The following ARHGEF3 variants were observed in gnomAD, a reference collection of about 807,000 sequenced individuals.
ARHGEF3 encodes Rho guanine nucleotide exchange factor 3.
Under a neutral mutation model 63.2 loss-of-function variants are expected in ARHGEF3, and 28 were observed. The observed-to-expected ratio is 0.44, with a 90% CI of 0.33 to 0.61. ARHGEF3 has a LOEUF of 0.61. ARHGEF3 is among the 20% of genes least tolerant of loss of function. The pLI is 0.03. For synonymous variants in ARHGEF3, 266 were observed against 254.2 expected, an observed-to-expected ratio of 1.05 and a Z score of -0.44; for missense variants, 533 against 659.3, an observed-to-expected ratio of 0.81 and a Z score of 2.10.
chr3:56,782,422 A>G (rs1184421468), intron 1 of ARHGEF3, among the ~76,000 whole-genome samples: 9 of 152,134 alleles, frequency 5.9e-5, no homozygotes, highest in Non-Finnish European at 8.8e-5. Flanking sequence ...GACTTTGACA[A>G]ACCACCAGGA....
At chr3:56,801,570 G>T in intron 1 of ARHGEF3, 133 bp downstream of exon 1, 1 of 1,214,588 alleles carries the variant, frequency 8.2e-7, no homozygotes, top group Non-Finnish European at 1.1e-6. Flanking sequence ...TGTAGAGAGA[G>T]AAAGTGGCAC....
intron 3 of ARHGEF3, among the ~76,000 whole-genome samples, chr3:56,901,445 GTA>G (rs745670696): frequency 1.0e-4 from 15 of 149,518 alleles, no homozygotes; most frequent in Non-Finnish European, 1.8e-4. Flanking sequence ...TATACATACT[GTA>G]TATATATATA....
chr3:56,849,995 G>GT (rs2039621516), intron 4 of ARHGEF3, among the ~76,000 whole-genome samples: 1 of 152,106 alleles, frequency 6.6e-6, no homozygotes. Context: ...AAACTAAGTT[G>GT]TTTTATGCAT....
At chr3:57,051,899 G>T (rs1409567482) in intron 1 of ARHGEF3, among the ~76,000 whole-genome samples, 1 of 151,990 alleles carries the variant, frequency 6.6e-6, no homozygotes, top group African/African-American at 2.4e-5. Flanking sequence ...GGGAGACAAG[G>T]TTGCAGTAAG....
At chr3:56,830,362 T>A (rs1203589768) in intron 4 of ARHGEF3, among the ~76,000 whole-genome samples, 1 of 152,138 alleles carries the variant, frequency 6.6e-6, no homozygotes, top group Non-Finnish European at 1.5e-5. Flanking sequence ...CCACATTTCA[T>A]GCAATCTTCC....
chr3:56,987,919 C>T (rs1032569140), intron 2 of ARHGEF3, among the ~76,000 whole-genome samples: 1 of 152,160 alleles, frequency 6.6e-6, no homozygotes, highest in African/African-American at 2.4e-5. Flanking sequence ...GTCTTGTGTG[C>T]ACACCACTGG....
intron 2 of ARHGEF3, among the ~76,000 whole-genome samples, chr3:56,767,384 C>A (rs1036384241): frequency 2.0e-5 from 3 of 151,652 alleles, no homozygotes; most frequent in Non-Finnish European, 2.9e-5. Context: ...AGATTGAGGC[C>A]ATCCTGGCTA....
chr3:56,991,772 G>A (rs1355458595), intron 2 of ARHGEF3, among the ~76,000 whole-genome samples: 2 of 152,002 alleles, frequency 1.3e-5, no homozygotes, highest in African/African-American at 4.8e-5. Context: ...ATGCCACCAC[G>A]AGCAGCTAAC....
At chr3:56,974,664 C>T (rs527822964) in intron 2 of ARHGEF3, among the ~76,000 whole-genome samples, 6 of 152,244 alleles carry the variant, frequency 3.9e-5, no homozygotes, top group African/African-American at 1.4e-4. Context: ...CTCCCTCTCC[C>T]CTCCCCCTGC....
intron 3 of ARHGEF3, among the ~76,000 whole-genome samples, chr3:56,910,663 A>G (rs992956163): frequency 6.6e-5 from 10 of 152,328 alleles, no homozygotes; most frequent in African/African-American, 2.4e-4. Flanking sequence ...ACAGAAACGA[A>G]AAAGAGATAA....
intron 2 of ARHGEF3, among the ~76,000 whole-genome samples, chr3:56,970,500 A>G (rs992054052): frequency 6.6e-6 from 1 of 152,122 alleles, no homozygotes; most frequent in African/African-American, 2.4e-5. Context: ...TCTGAGGCAT[A>G]TATTTACTTG....
chr3:56,997,137 C>T (rs956376858), intron 2 of ARHGEF3, among the ~76,000 whole-genome samples: 3 of 152,018 alleles, frequency 2.0e-5, no homozygotes, highest in African/African-American at 7.2e-5. Flanking sequence ...TGCCACCAAA[C>T]AGCACTGAGG....
At chr3:56,735,692 T>C (rs1304283315) in intron 8 of ARHGEF3, among the ~76,000 whole-genome samples, 1 of 152,182 alleles carries the variant, frequency 6.6e-6, no homozygotes, top group Non-Finnish European at 1.5e-5. Context: ...AGGTGCTTTC[T>C]GAAAATAAGC....
intron 2 of ARHGEF3, among the ~76,000 whole-genome samples, chr3:57,030,489 T>G (rs1253621063): frequency 1.3e-5 from 2 of 152,240 alleles, no homozygotes; most frequent in East Asian, 3.8e-4. Context: ...GTTGACTGAC[T>G]GACCAAATGA....
chr3:56,934,948 G>A (rs1046601055), intron 3 of ARHGEF3, among the ~76,000 whole-genome samples: 1 of 152,254 alleles, frequency 6.6e-6, no homozygotes, highest in African/African-American at 2.4e-5. Context: ...TGGGGAGGTG[G>A]AGAGTCTTTA....
chr3:56,836,344 C>T (rs2039106273), intron 4 of ARHGEF3, among the ~76,000 whole-genome samples: 1 of 152,118 alleles, frequency 6.6e-6, no homozygotes, highest in Admixed American at 6.5e-5. Flanking sequence ...TATTATTATT[C>T]TTTGGGAAAT....
chr3:56,751,465 G>T, intron 4 of ARHGEF3, 69 bp from the exon 5 acceptor site: 1 of 1,358,996 alleles, frequency 7.4e-7, no homozygotes, highest in African/African-American at 1.4e-5. Context: ...TCATGTAAGT[G>T]GCTCCTGAGA....
chr3:56,923,609 A>G (rs575356824), intron 3 of ARHGEF3, among the ~76,000 whole-genome samples: 1 of 152,270 alleles, frequency 6.6e-6, no homozygotes, highest in African/African-American at 2.4e-5. Flanking sequence ...TAATCTTACA[A>G]TGCTGACTTC....
chr3:56,877,506 C>T (rs965906614), intron 4 of ARHGEF3, among the ~76,000 whole-genome samples: 1 of 151,660 alleles, frequency 6.6e-6, no homozygotes, highest in Non-Finnish European at 1.5e-5. Flanking sequence ...CAAGTAGCGG[C>T]GACTACAGCC....
Sources: gnomAD v4.1 joint callset for allele counts (sites outside exome capture counted in the v4.1 genomes callset) on GRCh38, gnomAD v4.1.1 for gene constraint, MANE v1.5 for transcripts, NCBI Gene and HGNC (gene_info 2026-07-23, HGNC 2026-07-21) for gene names.